Variants in ALG13 observed in about 807,000 individuals in gnomAD.
ALG13 encodes the protein ALG13 UDP-N-acetylglucosaminyltransferase subunit, also known as UDP-N-acetylglucosamine transferase subunit ALG13.
A neutral mutation model predicts 87.8 loss-of-function variants in ALG13; 11 were observed. The observed-to-expected ratio is 0.13, with a 90% CI of 0.08 to 0.21. The LOEUF (loss-of-function observed/expected upper bound fraction) is 0.21, where lower values mean the gene tolerates loss of function less well. Among genes scored for constraint, ALG13 ranks in the 10% least tolerant of loss-of-function variants. The pLI is 1.00. For synonymous variants in ALG13, 320 were observed against 306.3 expected (o/e 1.04, Z -0.47); for missense variants, 756 against 866.1 (o/e 0.87, Z 1.60).
rs1055285199 is a variant in ALG13, at chrX:111,737,130, G to A, written c.2695+251G>A. ...TGCTACCTGCTGAATTAGGGGACTTGTACTAGTTTCTCAAACTTTGAGTTA... is the reference window on the plus strand; with the variant it reads ...TGCTACCTGCTGAATTAGGGGACTTATACTAGTTTCTCAAACTTTGAGTTA... On this transcript the variant is annotated intron_variant, in intron 23 of 26. Transcript: ENST00000394780. 4.1e-4 allele frequency: 100 copies of A among 245,209 alleles called. 2 individuals carry two copies. The East Asian group carries it at 6.7e-3, about 16-fold the overall frequency. 20.2% of individuals were successfully genotyped at this position (245,209 alleles called of 1,213,427 possible). A position where few individuals can be genotyped will look rare whatever the true frequency, so the allele number is the denominator to read the frequency against.
chrX:111,687,647 A>C (rs1163696264), intron 3 of ALG13, among the ~76,000 whole-genome samples: 1 of 112,614 alleles, frequency 8.9e-6, no homozygotes, highest in Non-Finnish European at 1.9e-5. Context: ...CATTTCTGAA[A>C]TATATCAGTT....
chrX:111,754,758 C>A (rs1945085004), intron 25 of ALG13, among the ~76,000 whole-genome samples: 1 of 111,625 alleles, frequency 9.0e-6, no homozygotes, highest in South Asian at 3.8e-4. Context: ...CAAATCACTG[C>A]TCAATGATAT....
Position 111,759,736 on chromosome X carries a change from A to G in ALG13, c.3151A>G (p.Thr1051Ala). The change falls in exon 27 of 27, where the codon ACT becomes GCT. Residue 1051 changes from threonine (T) to alanine (A), a missense_variant and splice_region_variant. This residue lies in a region of ALG13 where 110 missense variants were observed against 104.9 expected (regional missense o/e 1.05). Transcript: ENST00000394780. ...ACTGTATACATCCTTTCTTTCAGAT[A>G]CTTTTCCGAATGCTGATTCTTCATC... ...GIQAEASAND[T>A]FPNADSSSVP... The G allele has an allele frequency of 8.3e-7, 1 of 1,200,956 alleles. No homozygotes were observed. The highest frequency in any genetic ancestry group is 1.1e-6 in the Non-Finnish European group (1 of 889,104).
At chrX:111,712,984 C>T (rs1243874076) in intron 7 of ALG13, among the ~76,000 whole-genome samples, 1 of 111,293 alleles carries the variant, frequency 9.0e-6, no homozygotes, top group African/African-American at 3.3e-5. Context: ...TACCCCTTCT[C>T]CTCCCAAATT....
At chrX:111,689,485 G>T (rs753043451) in intron 3 of ALG13, 2 of 753,904 alleles carry the variant, frequency 2.7e-6, no homozygotes, top group Non-Finnish European at 3.1e-6. Flanking sequence ...TACTTCCCCA[G>T]AATAATGCAT....
chrX:111,754,726 A>G (rs1418245887), intron 25 of ALG13, among the ~76,000 whole-genome samples: 1 of 111,779 alleles, frequency 8.9e-6, no homozygotes, highest in African/African-American at 3.3e-5. Flanking sequence ...AGGGATGTGA[A>G]GGACCTCTTC....
intron 24 of ALG13, among the ~76,000 whole-genome samples, chrX:111,748,639 C>T (rs1169794689): frequency 8.9e-6 from 1 of 111,917 alleles, no homozygotes; most frequent in Non-Finnish European, 1.9e-5. Context: ...TGCATATTCT[C>T]TATGCTAGTC....
In ALG13 at chrX:111,713,267, T is replaced by G. The variant is rs767735916; in HGVS notation, c.975T>G (p.Thr325=). ...ILYRFPGKPP[T]YVTDNGYEDK... ...ATCGCTTTCCTGGAAAACCTCCAAC[T>G]TATGTCACAGATAATGGCTATGAAG... The change falls in exon 8 of 27, where the codon ACT becomes ACG. Residue 325 remains threonine, a synonymous_variant. Transcript: ENST00000394780. 91 of 1,194,991 alleles carry G rather than the reference T, an allele frequency of 7.6e-5. No homozygotes were observed. The highest frequency in any genetic ancestry group is 2.3e-4 in the Middle Eastern group (1 of 4,344).
In ALG13 at chrX:111,724,743, TA is replaced by T. The variant is rs757203552; in HGVS notation, c.1602-190del. Among the ~76,000 whole-genome samples, 27 of 112,471 alleles carry T rather than the reference TA, an allele frequency of 2.4e-4. 1 individual carries two copies. The South Asian group carries it at 9.3e-3, about 39-fold the overall frequency. The stretch of plus-strand genomic sequence containing the variant: ...AGTCTTTCTTCTGAAATGTCATCGG[TA>T]CTAGAAACAGCAGTGAAATTGTACA... On this transcript the variant is annotated intron_variant, in intron 14 of 26. Transcript: ENST00000394780.
chrX:111,750,198 C>T (rs1245109669), intron 24 of ALG13, among the ~76,000 whole-genome samples: 2 of 111,329 alleles, frequency 1.8e-5, no homozygotes, highest in Non-Finnish European at 3.8e-5. Flanking sequence ...CTACTAACCC[C>T]GAGAATATAT....
intron 21 of ALG13, among the ~76,000 whole-genome samples, chrX:111,731,468 G>A (rs752537480): frequency 9.0e-6 from 1 of 111,686 alleles, no homozygotes; most frequent in African/African-American, 3.3e-5. Context: ...CTCTTCCCTG[G>A]AGGAACTCTC....
intron 11 of ALG13, 79 bp from the exon 12 acceptor site, chrX:111,721,524 G>T: frequency 2.2e-6 from 1 of 449,717 alleles, no homozygotes; most frequent in Middle Eastern, 3.5e-4. Flanking sequence ...CTTCATAGAA[G>T]GAAGAAACTT....
intron 3 of ALG13, among the ~76,000 whole-genome samples, chrX:111,706,324 T>A (rs1938757223): frequency 8.8e-6 from 1 of 113,025 alleles, no homozygotes; most frequent in South Asian, 3.6e-4. Context: ...CCATTGTGCC[T>A]GACCAAATTA....
At chrX:111,716,447 A>T (rs1940611249) in intron 8 of ALG13, among the ~76,000 whole-genome samples, 1 of 112,362 alleles carries the variant, frequency 8.9e-6, no homozygotes, top group African/African-American at 3.2e-5. Flanking sequence ...TTTATTCCTT[A>T]ACAACTGCCT....
chrX:111,698,057 TACA>T (rs1359515245), intron 3 of ALG13, among the ~76,000 whole-genome samples: 2 of 112,252 alleles, frequency 1.8e-5, no homozygotes, highest in Non-Finnish European at 3.8e-5. Flanking sequence ...ATACAAGGCT[TACA>T]ACAAGAAACA....
At chrX:111,712,317 T>C (rs781657176) in intron 6 of ALG13, among the ~76,000 whole-genome samples, 167 bp from the exon 7 acceptor site, 1 of 111,776 alleles carries the variant, frequency 8.9e-6, no homozygotes, top group East Asian at 2.8e-4. Context: ...TAAGTTTATG[T>C]TAATAAGTAG....
rs764848798 is a variant in ALG13, at chrX:111,722,907, G to A, written c.1500+50G>A. On this transcript the variant is annotated intron_variant, in intron 13 of 26. Coordinates refer to ENST00000394780, the MANE Select transcript of ALG13 (RefSeq NM_001099922.3). ...TAATTTTTTTAAGAATGTGCTTTTT[G>A]TCATGATATGAGTTGAACAAGACTT... 6.4e-5 allele frequency: 58 copies of A among 903,110 alleles called. No homozygotes were observed. In the East Asian group the frequency reaches 1.8e-3, roughly 28 times the overall value. 74.4% of individuals were successfully genotyped at this position (903,110 alleles called of 1,213,427 possible).
At chrX:111,731,974 A>C (rs943265253) in intron 21 of ALG13, among the ~76,000 whole-genome samples, 8 of 111,645 alleles carry the variant, frequency 7.2e-5, no homozygotes, top group South Asian at 3.8e-4. Flanking sequence ...TTTTAACCAA[A>C]GAGTTCATTC....
chrX:111,750,881 C>A (rs1186250365), intron 24 of ALG13, among the ~76,000 whole-genome samples: 11 of 108,988 alleles, frequency 1.0e-4, no homozygotes, highest in African/African-American at 3.7e-4. Flanking sequence ...GTTGGCCAGG[C>A]TGGTCTCGAA....
Sources: gnomAD v4.1 joint callset for allele counts (sites outside exome capture counted in the v4.1 genomes callset) on GRCh38, gnomAD v4.1.1 for gene constraint, gnomAD v4.1.1 regional missense constraint, MANE v1.5 for transcripts, NCBI Gene and HGNC (gene_info 2026-07-23, HGNC 2026-07-21) for gene names.